ADGRL3: variants seen among roughly 807,000 people sequenced by gnomAD.
The protein encoded by ADGRL3 is adhesion G protein-coupled receptor L3.
Under a neutral mutation model 153.5 loss-of-function variants are expected in ADGRL3, and 62 were observed. The observed-to-expected ratio is 0.40, with a 90% CI of 0.33 to 0.50. ADGRL3 has a LOEUF of 0.50. Among genes scored for constraint, ADGRL3 ranks in the 20% least tolerant of loss-of-function variants. The probability of loss-of-function intolerance (pLI) is 0.47; values close to 1 mark genes in which losing one functional copy is unlikely to be tolerated. For missense variants in ADGRL3, 1,641 were observed against 1,859.4 expected, an observed-to-expected ratio of 0.88 and a Z score of 2.16; for synonymous variants, 710 against 672.5, an observed-to-expected ratio of 1.06 and a Z score of -0.86.
intron 8 of ADGRL3, among the ~76,000 whole-genome samples, chr4:61,776,185 C>G (rs571676498): frequency 6.6e-6 from 1 of 152,178 alleles, no homozygotes; most frequent in Admixed American, 6.5e-5. Context: ...CAGGCGTGAG[C>G]CACGGCGCCA....
chr4:61,210,866 A>G (rs1739671496), intron 1 of ADGRL3, among the ~76,000 whole-genome samples: 1 of 152,150 alleles, frequency 6.6e-6, no homozygotes, highest in Admixed American at 6.5e-5. Context: ...TTGGCTTTAA[A>G]TGTTCGGTTG....
intron 5 of ADGRL3, among the ~76,000 whole-genome samples, chr4:61,637,321 A>G (rs1356171837): frequency 6.6e-6 from 1 of 152,150 alleles, no homozygotes; most frequent in Non-Finnish European, 1.5e-5. Context: ...GAAAGCGGAG[A>G]CCGGGCTCAT....
chr4:61,862,046 G>A (rs2098345845), intron 9 of ADGRL3, among the ~76,000 whole-genome samples: 1 of 152,112 alleles, frequency 6.6e-6, no homozygotes, highest in Admixed American at 6.5e-5. Flanking sequence ...ATCACTTTGG[G>A]AACATTCTAC....
intron 2 of ADGRL3, among the ~76,000 whole-genome samples, chr4:61,406,698 C>T (rs2097002868): frequency 6.6e-6 from 1 of 151,936 alleles, no homozygotes; most frequent in East Asian, 1.9e-4. Context: ...ATTCCACATT[C>T]GTGTTTGGAG....
At chr4:61,448,718 AGGAAGGAGAGAG>A (rs2097622385) in intron 2 of ADGRL3, among the ~76,000 whole-genome samples, 7 of 19,884 alleles carry the variant, frequency 3.5e-4, no homozygotes, top group African/African-American at 5.3e-4. Context: ...GAAAGAAGGA[AGGAAGGAGAGAG>A]GGAAGGAAGG....
chr4:61,742,765 C>A (rs1263854601), intron 8 of ADGRL3, among the ~76,000 whole-genome samples: 2 of 152,124 alleles, frequency 1.3e-5, no homozygotes, highest in Non-Finnish European at 2.9e-5. Flanking sequence ...GTAAAATCTA[C>A]TATACTATAT....
intron 1 of ADGRL3, among the ~76,000 whole-genome samples, chr4:61,223,382 A>G (rs1250729449): frequency 6.6e-6 from 1 of 152,246 alleles, no homozygotes; most frequent in Non-Finnish European, 1.5e-5. Flanking sequence ...AACTTACAAT[A>G]TAAGCAGAGA....
intron 2 of ADGRL3, among the ~76,000 whole-genome samples, chr4:61,448,875 A>AAGGGAAGGAAGGAAGAAGGGAGAGAGGG (rs1553932440): frequency 5.0e-5 from 2 of 39,654 alleles, no homozygotes; most frequent in Non-Finnish European, 9.6e-5. Context: ...GGAAGGAAGG[A>AAGGGAAGGAAGGAAGAAGGGAGAGAGGG]AAGGAAGGAA....
At chr4:61,708,741 A>C in intron 6 of ADGRL3, among the ~76,000 whole-genome samples, 1 of 152,122 alleles carries the variant, frequency 6.6e-6, no homozygotes, top group East Asian at 1.9e-4. Flanking sequence ...GCTAAAAATA[A>C]AAATAGATCA....
intron 5 of ADGRL3, among the ~76,000 whole-genome samples, chr4:61,639,060 G>C (rs1456724784): frequency 6.6e-6 from 1 of 151,990 alleles, no homozygotes; most frequent in Non-Finnish European, 1.5e-5. Context: ...ACAAAACCTG[G>C]TTACTGAAAG....
chr4:61,682,463 A>G (rs2095356923), intron 6 of ADGRL3, among the ~76,000 whole-genome samples: 1 of 152,050 alleles, frequency 6.6e-6, no homozygotes, highest in South Asian at 2.1e-4. Flanking sequence ...AACCCTGCTT[A>G]TATGCCAAAA....
At chr4:61,601,950 G>C (rs146533017) in intron 5 of ADGRL3, among the ~76,000 whole-genome samples, 1 of 151,992 alleles carries the variant, frequency 6.6e-6, no homozygotes, top group Non-Finnish European at 1.5e-5. Context: ...TGCCTTCTGC[G>C]TGATTGTGAA....
intron 5 of ADGRL3, among the ~76,000 whole-genome samples, chr4:61,596,606 A>T (rs954816023): frequency 6.6e-6 from 1 of 152,106 alleles, no homozygotes; most frequent in African/African-American, 2.4e-5. Context: ...CTCATTGTTT[A>T]TTTTTTATTC....
intron 11 of ADGRL3, among the ~76,000 whole-genome samples, chr4:61,904,265 T>C (rs1361190218): frequency 6.6e-6 from 1 of 151,988 alleles, no homozygotes; most frequent in African/African-American, 2.4e-5. Flanking sequence ...TTTTACTTTC[T>C]GGTTTATAAA....
intron 17 of ADGRL3, among the ~76,000 whole-genome samples, chr4:61,957,499 A>T (rs1031938227): frequency 6.6e-6 from 1 of 151,892 alleles, no homozygotes; most frequent in Admixed American, 6.6e-5. Flanking sequence ...ATAAAAGAGG[A>T]TTACTTATTA....
intron 11 of ADGRL3, among the ~76,000 whole-genome samples, chr4:61,901,286 C>T (rs539834309): frequency 2.0e-5 from 3 of 152,260 alleles, no homozygotes; most frequent in Admixed American, 6.5e-5. Flanking sequence ...CGAGGTTATT[C>T]CTGTACTTTC....
chr4:61,511,316 C>A (rs1217917275), intron 3 of ADGRL3, among the ~76,000 whole-genome samples: 3 of 152,082 alleles, frequency 2.0e-5, no homozygotes, highest in Non-Finnish European at 4.4e-5. Flanking sequence ...TTACAGTGAG[C>A]CGAGATCACG....
At chr4:61,536,176 G>T (rs1459966671) in intron 4 of ADGRL3, among the ~76,000 whole-genome samples, 2 of 152,036 alleles carry the variant, frequency 1.3e-5, no homozygotes, top group Non-Finnish European at 2.9e-5. Context: ...TAGTTTCCAT[G>T]TACTTGTGTG....
chr4:61,399,407 T>A (rs1009665165), intron 2 of ADGRL3, among the ~76,000 whole-genome samples: 1 of 151,718 alleles, frequency 6.6e-6, no homozygotes, highest in Non-Finnish European at 1.5e-5. Flanking sequence ...AAATAAAATT[T>A]GAAATGACAA....
Sources: allele counts gnomAD v4.1 joint callset (sites outside exome capture counted in the v4.1 genomes callset), GRCh38; gene constraint gnomAD v4.1.1; transcripts MANE v1.5; gene names NCBI Gene and HGNC (gene_info 2026-07-23, HGNC 2026-07-21).